The following TENM2 variants were observed in gnomAD, a reference collection of about 807,000 sequenced individuals.
TENM2 encodes teneurin-2.
TENM2 carries 52 observed loss-of-function variants against 245.2 expected under a neutral mutation model. That is an observed-to-expected ratio of 0.21 (90% CI 0.17 to 0.27). The LOEUF (loss-of-function observed/expected upper bound fraction) is 0.27. Ranked by LOEUF, TENM2 falls within the 10% of genes least tolerant of loss-of-function variation. The pLI is 1.00. For missense variants in TENM2, 3,046 were observed against 3,666.8 expected (o/e 0.83, Z 4.37); for synonymous variants, 1,363 against 1,438.9 (o/e 0.95, Z 1.19).
intron 19 of TENM2, among the ~76,000 whole-genome samples, chr5:168,206,095 T>C (rs1762327773): frequency 6.6e-6 from 1 of 152,172 alleles, no homozygotes; most frequent in Non-Finnish European, 1.5e-5. Flanking sequence ...TGCCTAGGAT[T>C]TTGGCCTGAC....
At chr5:168,143,899 G>T (rs1160963608) in intron 12 of TENM2, among the ~76,000 whole-genome samples, 1 of 138,272 alleles carries the variant, frequency 7.2e-6, no homozygotes, top group Non-Finnish European at 1.5e-5. Context: ...TCCCAGGCTG[G>T]AGAGCAGTGG....
chr5:167,864,115 C>T (rs1772095088), intron 2 of TENM2, among the ~76,000 whole-genome samples: 1 of 152,194 alleles, frequency 6.6e-6, no homozygotes, highest in African/African-American at 2.4e-5. Context: ...GTACTGTGAG[C>T]GTGGGCAGCA....
intron 3 of TENM2, among the ~76,000 whole-genome samples, chr5:167,912,886 T>C (rs891408995): frequency 6.6e-6 from 1 of 152,098 alleles, no homozygotes; most frequent in Non-Finnish European, 1.5e-5. Flanking sequence ...CCATCAATAT[T>C]CCTTGTGCCA....
chr5:167,304,080 T>C (rs1755519057), intron 1 of TENM2, among the ~76,000 whole-genome samples: 1 of 152,214 alleles, frequency 6.6e-6, no homozygotes, highest in Non-Finnish European at 1.5e-5. Context: ...CTAAATGCCC[T>C]TAAGGACCAG....
the TENM2 span, among the ~76,000 whole-genome samples, chr5:167,264,410 A>G: frequency 6.6e-6 from 1 of 152,174 alleles, no homozygotes; most frequent in African/African-American, 2.4e-5. Context: ...AAGATGGGGC[A>G]TACGTGAAAT....
intron 2 of TENM2, among the ~76,000 whole-genome samples, chr5:167,525,521 C>G (rs562647606): frequency 2.0e-5 from 3 of 152,184 alleles, no homozygotes; most frequent in Admixed American, 6.5e-5. Flanking sequence ...AATTCCTTAA[C>G]AAACATTAAG....
At chr5:167,748,649 T>C (rs1761750355) in intron 2 of TENM2, among the ~76,000 whole-genome samples, 3 of 145,430 alleles carry the variant, frequency 2.1e-5, no homozygotes, top group South Asian at 2.1e-4. Flanking sequence ...AATTGACTCA[T>C]AGTTCCACAT....
At chr5:167,297,745 TA>T (rs1230166253) in intron 1 of TENM2, among the ~76,000 whole-genome samples, 10 of 151,676 alleles carry the variant, frequency 6.6e-5, no homozygotes, top group African/African-American at 2.4e-4. Context: ...CAAAGGGAGA[TA>T]GGGGTGGGGC....
At chr5:167,800,273 C>A (rs1259544481) in intron 2 of TENM2, among the ~76,000 whole-genome samples, 1 of 152,152 alleles carries the variant, frequency 6.6e-6, no homozygotes. Context: ...TTTTATTTAA[C>A]AGATGAGAGG....
intron 1 of TENM2, among the ~76,000 whole-genome samples, chr5:167,374,076 C>T (rs1178874510): frequency 2.6e-5 from 4 of 152,156 alleles, no homozygotes. Flanking sequence ...AACCAAAGGA[C>T]TAGCTCTTCA....
intron 2 of TENM2, among the ~76,000 whole-genome samples, chr5:167,420,550 T>C (rs1049470468): frequency 3.9e-5 from 6 of 152,328 alleles, no homozygotes; most frequent in Admixed American, 2.6e-4. Context: ...ATTTCCAATT[T>C]AGGGAGTTTT....
chr5:167,929,996 G>T (rs1342426309), intron 3 of TENM2, among the ~76,000 whole-genome samples: 1 of 152,140 alleles, frequency 6.6e-6, no homozygotes, highest in South Asian at 2.1e-4. Context: ...CTGTTATCTT[G>T]CCAGAAAATA....
At chr5:167,458,494 C>CAAAAAA (rs70976430) in intron 2 of TENM2, among the ~76,000 whole-genome samples, 192 of 81,998 alleles carry the variant, frequency 2.3e-3, no homozygotes, top group Non-Finnish European at 3.1e-3. Flanking sequence ...CTCAAAAAAA[C>CAAAAAA]AAAAAAAAAA....
At chr5:167,129,978 A>G in the TENM2 span, among the ~76,000 whole-genome samples, 3 of 152,226 alleles carry the variant, frequency 2.0e-5, no homozygotes, top group Non-Finnish European at 2.9e-5. Flanking sequence ...TTCCATAACC[A>G]TGGAGCAGGT....
chr5:167,969,877 A>T (rs986405431), intron 4 of TENM2, among the ~76,000 whole-genome samples: 2 of 152,174 alleles, frequency 1.3e-5, no homozygotes, highest in African/African-American at 4.8e-5. Context: ...AGCAGACCAC[A>T]TTAATTGGCC....
chr5:167,626,346 T>A (rs965892089), intron 2 of TENM2, among the ~76,000 whole-genome samples: 2 of 152,022 alleles, frequency 1.3e-5, no homozygotes, highest in African/African-American at 4.8e-5. Context: ...TCATGCTGTG[T>A]GTTTCTGTCC....
At position 167,651,766 on chromosome 5, in the gene TENM2, T is replaced by TGAG. The variant is rs137883677; in HGVS notation, c.503-224219_503-224218insAGG. Among the ~76,000 whole-genome samples, 735 of 152,250 alleles carry TGAG rather than the reference T, an allele frequency of 4.8e-3. 6 individuals are homozygous for TGAG. Among genetic ancestry groups the TGAG allele is most frequent in the African/African-American group, 0.017 (694 of 41,558 alleles). ...CCTTGGACAAATTATCTAATCTCTTTGGTCCAATATAGGTCAAAGAGGTTC... is the reference window on the plus strand; with the variant it reads ...CCTTGGACAAATTATCTAATCTCTTTGAGGGTCCAATATAGGTCAAAGAGGTTC... On this transcript the variant is annotated intron_variant, in intron 2 of 28. Coordinates refer to ENST00000518659, the Ensembl canonical transcript of TENM2.
At chr5:168,016,128 T>C (rs1467133766) in intron 5 of TENM2, among the ~76,000 whole-genome samples, 3 of 152,214 alleles carry the variant, frequency 2.0e-5, no homozygotes, top group Non-Finnish European at 4.4e-5. Flanking sequence ...CACTAGGCTT[T>C]CCCTGCATCA....
chr5:167,932,484 C>T (rs1337296479), intron 3 of TENM2, among the ~76,000 whole-genome samples: 1 of 152,036 alleles, frequency 6.6e-6, no homozygotes, highest in Non-Finnish European at 1.5e-5. Flanking sequence ...AATCGTTGTC[C>T]ATGGTCAACA....
Sources: allele counts gnomAD v4.1 joint callset (sites outside exome capture counted in the v4.1 genomes callset), GRCh38; gene constraint gnomAD v4.1.1; transcripts MANE v1.5; gene names NCBI Gene and HGNC (gene_info 2026-07-23, HGNC 2026-07-21).